CSMD1: variants seen among roughly 807,000 people sequenced by gnomAD.
CSMD1 encodes CUB and Sushi multiple domains 1.
CSMD1 carries 213 observed loss-of-function variants against 417.5 expected under a neutral mutation model. The observed-to-expected ratio is 0.51, with a 90% CI of 0.46 to 0.57. CSMD1 has a LOEUF of 0.57. CSMD1 is among the 20% of genes least tolerant of loss of function. The probability of loss-of-function intolerance (pLI) is 0.00; values close to 1 mark genes in which losing one functional copy is unlikely to be tolerated. For missense variants in CSMD1, 6,923 were observed against 4,529.7 expected (o/e 1.53, Z -15.17); for synonymous variants, 2,862 against 1,736.8 (o/e 1.65, Z -16.11).
At chr8:3,130,577 A>T (rs958716427) in intron 41 of CSMD1, among the ~76,000 whole-genome samples, 7 of 151,956 alleles carry the variant, frequency 4.6e-5, no homozygotes, top group African/African-American at 1.7e-4. Context: ...AGGCCCCCTG[A>T]CCCGGGGAAG....
At chr8:3,002,181 G>A (rs1807461663) in intron 52 of CSMD1, among the ~76,000 whole-genome samples, 1 of 152,206 alleles carries the variant, frequency 6.6e-6, no homozygotes, top group Non-Finnish European at 1.5e-5. Flanking sequence ...CTTGATACAA[G>A]CGGAGAACGT....
At chr8:4,274,423 C>T (rs1226198320) in intron 3 of CSMD1, among the ~76,000 whole-genome samples, 1 of 151,972 alleles carries the variant, frequency 6.6e-6, no homozygotes, top group Non-Finnish European at 1.5e-5. Flanking sequence ...CTCTGGTGCC[C>T]AAGAGTTGCA....
chr8:4,253,649 T>G lies in CSMD1; in HGVS notation c.415+166304A>C, dbSNP rs141336864. On this transcript the variant is annotated intron_variant, in intron 3 of 69. Coordinates refer to ENST00000635120, the MANE Select transcript of CSMD1 (RefSeq NM_033225.6). ...GAGGGAAGGGGCCAGATCTACTTAA[T>G]AGACACACAATCGTTTGCAACATAC... Among the ~76,000 whole-genome samples, 46 of 152,198 alleles carry G rather than the reference T, an allele frequency of 3.0e-4. No individual in the cohort carries two copies. In the East Asian group the frequency reaches 8.9e-3, roughly 30 times the overall value.
chr8:4,184,812 A>G (rs1338724733), intron 3 of CSMD1, among the ~76,000 whole-genome samples: 2 of 152,004 alleles, frequency 1.3e-5, no homozygotes, highest in Admixed American at 6.6e-5. Context: ...CTTATATAGG[A>G]AACATGCACA....
chr8:4,227,236 T>G (rs1328932606), intron 3 of CSMD1, among the ~76,000 whole-genome samples: 1 of 152,146 alleles, frequency 6.6e-6, no homozygotes, highest in African/African-American at 2.4e-5. Context: ...ATGAGAATCA[T>G]TAACCTCATT....
intron 5 of CSMD1, among the ~76,000 whole-genome samples, chr8:3,981,616 G>C (rs1405734049): frequency 1.3e-5 from 2 of 151,206 alleles, no homozygotes; most frequent in Admixed American, 6.6e-5. Flanking sequence ...AATTAGAGCA[G>C]TATTGTTCCC....
At chr8:3,780,698 C>A (rs56250348) in intron 5 of CSMD1, among the ~76,000 whole-genome samples, 1 of 152,076 alleles carries the variant, frequency 6.6e-6, no homozygotes, top group East Asian at 1.9e-4. Flanking sequence ...CAGAAAGAGC[C>A]CAGCCTGGTG....
At chr8:3,481,719 G>T (rs1019004734) in intron 11 of CSMD1, among the ~76,000 whole-genome samples, 3 of 152,188 alleles carry the variant, frequency 2.0e-5, no homozygotes, top group African/African-American at 7.2e-5. Flanking sequence ...TCGTGACTCT[G>T]AATTCAGAGA....
chr8:3,287,490 T>C lies in CSMD1; in HGVS notation c.3951-3144A>G, dbSNP rs1473389201. ...TCTTTTATTTCCTTGAGCAGTGGTT[T>C]GTAGTTCTCCCTGAAGAGGTCCTTC... On this transcript the variant is annotated intron_variant, in intron 25 of 69. Coordinates refer to ENST00000635120, the MANE Select transcript of CSMD1 (RefSeq NM_033225.6). 8.5e-5 allele frequency among the ~76,000 whole-genome samples: 13 copies of C among 152,278 alleles called. No individual in the cohort carries two copies. The South Asian group carries it at 2.5e-3, about 29-fold the overall frequency.
In CSMD1 at chr8:3,904,468, C is replaced by A. The variant is rs549802048; in HGVS notation, c.818+93435G>T. On this transcript the variant is annotated intron_variant, in intron 5 of 69. Transcript: ENST00000635120. ...TGTCCCAGAGATTTCAGTAAATGCA[C>A]ATTTGGCCATGGTTGTTCTACGGTG... Among the ~76,000 whole-genome samples, 31 of 152,276 alleles carry A rather than the reference C, an allele frequency of 2.0e-4. 1 individual carries two copies. The South Asian group carries it at 6.4e-3, about 32-fold the overall frequency.
intron 1 of CSMD1, among the ~76,000 whole-genome samples, chr8:4,763,544 C>T (rs1165819410): frequency 2.6e-5 from 4 of 152,042 alleles, no homozygotes; most frequent in Non-Finnish European, 5.9e-5. Flanking sequence ...GTTGGGGCAC[C>T]ATAGAAAGAG....
At chr8:3,664,695 G>C (rs1798593917) in intron 7 of CSMD1, among the ~76,000 whole-genome samples, 1 of 152,210 alleles carries the variant, frequency 6.6e-6, no homozygotes, top group Non-Finnish European at 1.5e-5. Context: ...AAAAGAGCTG[G>C]CCCATCATCT....
chr8:4,432,168 G>C (rs1797907942), intron 2 of CSMD1, among the ~76,000 whole-genome samples: 1 of 152,184 alleles, frequency 6.6e-6, no homozygotes, highest in South Asian at 2.1e-4. Flanking sequence ...AAACATGATT[G>C]GCAATTATAT....
At chr8:3,993,454 T>C (rs1279692528) in intron 5 of CSMD1, among the ~76,000 whole-genome samples, 2 of 152,196 alleles carry the variant, frequency 1.3e-5, no homozygotes, top group Admixed American at 6.5e-5. Flanking sequence ...CAAGCGTTCT[T>C]TGAAATTCAC....
intron 5 of CSMD1, among the ~76,000 whole-genome samples, chr8:3,798,986 A>C (rs1216649500): frequency 6.6e-6 from 1 of 152,014 alleles, no homozygotes; most frequent in Non-Finnish European, 1.5e-5. Flanking sequence ...GTGAATAATA[A>C]ATATGCCATA....
chr8:3,475,520 TA>T (rs1364457614), intron 11 of CSMD1, among the ~76,000 whole-genome samples: 1 of 152,230 alleles, frequency 6.6e-6, no homozygotes, highest in Non-Finnish European at 1.5e-5. Context: ...GCTCTGTCAT[TA>T]ATTCACGTGT....
chr8:4,750,130 C>A (rs969374514), intron 1 of CSMD1, among the ~76,000 whole-genome samples: 2 of 152,142 alleles, frequency 1.3e-5, no homozygotes, highest in Non-Finnish European at 2.9e-5. Context: ...CTCAGCCTCC[C>A]GAGTAGCTGG....
At chr8:4,866,240 T>C (rs1158698618) in intron 1 of CSMD1, among the ~76,000 whole-genome samples, 1 of 151,934 alleles carries the variant, frequency 6.6e-6, no homozygotes, top group African/African-American at 2.4e-5. Context: ...CAGGCTCTCT[T>C]GAAATTCACA....
chr8:4,374,417 A>G (rs1345523395), intron 3 of CSMD1, among the ~76,000 whole-genome samples: 2 of 152,200 alleles, frequency 1.3e-5, no homozygotes, highest in African/African-American at 4.8e-5. Context: ...AAGGCACCTG[A>G]AAAAACTTTT....
Sources: gnomAD v4.1 joint callset for allele counts (sites outside exome capture counted in the v4.1 genomes callset) on GRCh38, gnomAD v4.1.1 for gene constraint, MANE v1.5 for transcripts, NCBI Gene and HGNC (gene_info 2026-07-23, HGNC 2026-07-21) for gene names.